Variants in ZNF99 observed in about 807,000 individuals in gnomAD.
ZNF99 encodes the protein zinc finger protein 99.
A neutral mutation model predicts 12.8 loss-of-function variants in ZNF99; 8 were observed. The ratio of observed to expected loss-of-function variants is 0.62; its 90% CI spans 0.37 to 1.13. ZNF99 has a LOEUF of 1.13. ZNF99 is among the 50% of genes most tolerant of loss of function. ZNF99 has a pLI of 0.02. For synonymous variants in ZNF99, 318 were observed against 319.0 expected, an observed-to-expected ratio of 1.00 and a Z score of 0.03; for missense variants, 1,007 against 1,006.2, an observed-to-expected ratio of 1.00 and a Z score of -0.01.
intron 1 of ZNF99, chr19:22,769,779 A>T: frequency 9.2e-7 from 1 of 1,092,522 alleles, no homozygotes. Context: ...AAAAATAAAG[A>T]AAAGAAAAAA....
intron 3 of ZNF99, among the ~76,000 whole-genome samples, chr19:22,764,055 C>T (rs981223148): frequency 6.6e-6 from 1 of 151,636 alleles, no homozygotes; most frequent in Non-Finnish European, 1.5e-5. Context: ...ATTACAGGTG[C>T]CTGCCACTGC....
At chr19:22,773,104 C>T (rs1973290537) in intron 1 of ZNF99, among the ~76,000 whole-genome samples, 1 of 152,098 alleles carries the variant, frequency 6.6e-6, no homozygotes, top group East Asian at 1.9e-4. Context: ...CTGTGGAGGA[C>T]TATAGATACC....
At position 22,754,397 on chromosome 19, in the gene ZNF99, T is replaced by C. The variant is rs754799554; in HGVS notation, c.*2917A>G. ...AAAAAAAAAAACTTTGCCACATTCTTCACATTTGTAGAATTTCTCTACAAC... is the reference window on the plus strand; with the variant it reads ...AAAAAAAAAAACTTTGCCACATTCTCCACATTTGTAGAATTTCTCTACAAC... On this transcript the variant is annotated 3_prime_UTR_variant, in exon 4 of 4. Transcript: ENST00000596209. 4.8e-6 allele frequency: 2 copies of C among 414,674 alleles called. No homozygotes were observed. The highest frequency in any genetic ancestry group is 3.6e-5 in the South Asian group (2 of 55,924). The allele number at this position is 414,674 out of a possible 1,614,324, so 25.7% of individuals were successfully genotyped here.
intron 3 of ZNF99, among the ~76,000 whole-genome samples, chr19:22,761,498 C>A (rs1448912899): frequency 6.6e-6 from 1 of 152,190 alleles, no homozygotes; most frequent in South Asian, 2.1e-4. Context: ...AAGACAATTA[C>A]TAGTAGACCT....
intron 1 of ZNF99, among the ~76,000 whole-genome samples, chr19:22,778,466 C>T (rs1287265534): frequency 6.6e-6 from 1 of 152,142 alleles, no homozygotes; most frequent in Non-Finnish European, 1.5e-5. Flanking sequence ...TCAGCACACA[C>T]CCTGATTCAG....
At chr19:22,771,405 G>A (rs373442063) in intron 1 of ZNF99, among the ~76,000 whole-genome samples, 16 of 150,944 alleles carry the variant, frequency 1.1e-4, no homozygotes, top group Non-Finnish European at 2.2e-4. Context: ...ACAGGTGCCC[G>A]CCACCACGCC....
chr19:22,777,389 G>A (rs1167792618), intron 1 of ZNF99, among the ~76,000 whole-genome samples: 1 of 152,254 alleles, frequency 6.6e-6, no homozygotes, highest in African/African-American at 2.4e-5. Context: ...CTAGTTAAGG[G>A]TGGAGGACAA....
intron 3 of ZNF99, among the ~76,000 whole-genome samples, chr19:22,764,120 G>C (rs1381809735): frequency 6.6e-6 from 1 of 151,702 alleles, no homozygotes; most frequent in Non-Finnish European, 1.5e-5. Flanking sequence ...CATTGGCCAG[G>C]CTGGTCTTGA....
At chr19:22,767,651 T>C (rs746789647) in intron 3 of ZNF99, among the ~76,000 whole-genome samples, 3 of 152,092 alleles carry the variant, frequency 2.0e-5, no homozygotes, top group African/African-American at 4.8e-5. Context: ...AAGAAGTACA[T>C]AGCAACATAA....
Position 22,754,299 on chromosome 19 carries a change from G to A in ZNF99, c.*3015C>T, listed in dbSNP as rs1263286469. 19 of 429,522 alleles carry A rather than the reference G, an allele frequency of 4.4e-5. No homozygotes were observed. The highest frequency in any genetic ancestry group is 8.1e-5 in the South Asian group (5 of 61,418). 26.6% of individuals were successfully genotyped at this position (429,522 alleles called of 1,614,324 possible). On this transcript the variant is annotated 3_prime_UTR_variant, in exon 4 of 4. Coordinates refer to ENST00000596209, the MANE Select transcript of ZNF99 (RefSeq NM_001080409.3). The stretch of plus-strand genomic sequence containing the variant: ...AGAGAATCGCTTGAACCCAGGAGGC[G>A]GAGGTTGCAATGAACTGAGATTGCA...
In ZNF99 at chr19:22,755,431, G is replaced by C; in HGVS notation, c.*1883C>G. ...AGTAAGGTTTGAGGACCAGTTAAAA[G>C]TTTTGCCACACTCTTCACATGAGGC... On this transcript the variant is annotated 3_prime_UTR_variant, in exon 4 of 4. Transcript: ENST00000596209. 1 of 294,722 alleles carries C rather than the reference G, an allele frequency of 3.4e-6. No individual in the cohort carries two copies. The highest frequency in any genetic ancestry group is 7.0e-6 in the Non-Finnish European group (1 of 143,284). The allele number at this position is 294,722 out of a possible 1,614,324, so 18.3% of individuals were successfully genotyped here.
intron 1 of ZNF99, among the ~76,000 whole-genome samples, chr19:22,780,925 G>A (rs1373776440): frequency 6.6e-6 from 1 of 152,078 alleles, no homozygotes; most frequent in East Asian, 1.9e-4. Flanking sequence ...AGCCAAAATG[G>A]AAGAGAGATT....
chr19:22,777,360 G>A (rs1490513997), intron 1 of ZNF99, among the ~76,000 whole-genome samples: 1 of 151,834 alleles, frequency 6.6e-6, no homozygotes, highest in Non-Finnish European at 1.5e-5. Flanking sequence ...ACACAAAGAG[G>A]GGAACAACAC....
At chr19:22,780,413 C>T (rs1368594761) in intron 1 of ZNF99, among the ~76,000 whole-genome samples, 1 of 152,138 alleles carries the variant, frequency 6.6e-6, no homozygotes, top group South Asian at 2.1e-4. Flanking sequence ...ATGTAGTAGG[C>T]CAGGCGTGGT....
chr19:22,775,764 C>A (rs1286765345), intron 1 of ZNF99, among the ~76,000 whole-genome samples: 1 of 152,360 alleles, frequency 6.6e-6, no homozygotes, highest in Non-Finnish European at 1.5e-5. Flanking sequence ...GTGGCTCATG[C>A]CTGTAATCCC....
chr19:22,770,768 A>G (rs1380417515), intron 1 of ZNF99: 2 of 152,204 alleles, frequency 1.3e-5, no homozygotes, highest in Admixed American at 1.3e-4. Flanking sequence ...TACTGCTGTG[A>G]TATTGCTCCC....
chr19:22,761,279 C>T (rs1021789515), intron 3 of ZNF99, among the ~76,000 whole-genome samples: 9 of 152,078 alleles, frequency 5.9e-5, no homozygotes, highest in African/African-American at 2.2e-4. Context: ...AAATGGCTTG[C>T]TATTCACCTA....
intron 3 of ZNF99, 51 bp from the exon 4 acceptor site, chr19:22,759,733 T>C: frequency 7.6e-7 from 1 of 1,317,444 alleles, no homozygotes; most frequent in Non-Finnish European, 1.0e-6. Flanking sequence ...CTCAGATGAA[T>C]ATACTTTACA....
In ZNF99 at chr19:22,753,230, C is replaced by CA. The variant is rs1417424915; in HGVS notation, c.*4083dup. The CA allele has an allele frequency of 6.6e-6, 1 of 151,618 alleles. No homozygotes were observed. Among genetic ancestry groups the CA allele is most frequent in the African/African-American group, 2.4e-5 (1 of 41,250 alleles). The allele number at this position is 151,618 out of a possible 1,614,324, so 9.4% of individuals were successfully genotyped here. On this transcript the variant is annotated 3_prime_UTR_variant, in exon 4 of 4. Transcript: ENST00000596209. ...TACTTCAAATGTAATTATAATTCTC[C>CA]AAAAAATCACCTCCTCTTTTTTAAG...
Sources: allele counts gnomAD v4.1 joint callset (sites outside exome capture counted in the v4.1 genomes callset), GRCh38; gene constraint gnomAD v4.1.1; transcripts MANE v1.5; gene names NCBI Gene and HGNC (gene_info 2026-07-23, HGNC 2026-07-21).